Variants in DISC1 observed in about 807,000 individuals in gnomAD.
DISC1 encodes disrupted in schizophrenia 1 protein.
In DISC1, 57 loss-of-function variants were observed where a neutral mutation model predicts 84.5. The observed-to-expected ratio is 0.67, with a 90% CI of 0.55 to 0.84. The LOEUF is 0.84. Among genes scored for constraint, DISC1 ranks in the 40% least tolerant of loss-of-function variants. DISC1 has a pLI of 0.00. For missense variants in DISC1, 1,000 were observed against 1,057.8 expected (o/e 0.95, Z 0.76); for synonymous variants, 411 against 415.2 (o/e 0.99, Z 0.12).
At position 231,840,710 on chromosome 1, in the gene DISC1, G is replaced by T. The variant is rs1443350059; in HGVS notation, c.1981+22193G>T. On this transcript the variant is annotated intron_variant, in intron 9 of 12. Transcript: ENST00000439617. The stretch of plus-strand genomic sequence containing the variant: ...TGTTTTTATTTGTTTTTTTTTTTTT[G>T]TTGTTGTTGTTTTTTGAGACGGAGT... Among the ~76,000 whole-genome samples, 921 of 143,068 alleles carry T rather than the reference G, an allele frequency of 6.4e-3. 1 individual carries two copies. Among genetic ancestry groups the T allele is most frequent in the Non-Finnish European group, 9.1e-3 (601 of 65,710 alleles). 93.9% of individuals were successfully genotyped at this position (143,068 alleles called of 152,430 possible). A position where few individuals can be genotyped will look rare whatever the true frequency, so the allele number is the denominator to read the frequency against.
At chr1:231,834,830 T>C (rs2082511732) in intron 9 of DISC1, among the ~76,000 whole-genome samples, 1 of 152,166 alleles carries the variant, frequency 6.6e-6, no homozygotes, top group Non-Finnish European at 1.5e-5. Flanking sequence ...CGTCCCTGCA[T>C]GGTCAGACAC....
In DISC1 at chr1:231,713,983, G is replaced by T. The variant is rs558681311; in HGVS notation, c.1117+11959G>T. On this transcript the variant is annotated intron_variant, in intron 3 of 12. Coordinates refer to ENST00000439617, the MANE Select transcript of DISC1 (RefSeq NM_018662.3). ...AGTAAAATTATCTCTATTTGCGATT[G>T]ACATTATCCTATATGTAGAAAATCT... Among the ~76,000 whole-genome samples the T allele has an allele frequency of 3.8e-4, 58 of 151,534 alleles. No individual in the cohort carries two copies. The South Asian group carries it at 0.012, about 32-fold the overall frequency.
intron 9 of DISC1, among the ~76,000 whole-genome samples, chr1:231,956,873 T>C (rs1659599057): frequency 6.6e-6 from 1 of 152,194 alleles, no homozygotes; most frequent in African/African-American, 2.4e-5. Flanking sequence ...GGCCTCTCCA[T>C]GTGGCTTGGG....
chr1:231,878,511 G>A (rs758327248), intron 9 of DISC1, among the ~76,000 whole-genome samples: 10 of 152,270 alleles, frequency 6.6e-5, no homozygotes, highest in Non-Finnish European at 1.2e-4. Flanking sequence ...GCTGAGAGGG[G>A]TAGCCCTGGG....
Position 231,937,854 on chromosome 1 carries a change from CT to C in DISC1, c.1982-20962del, listed in dbSNP as rs71722884. ...AAAGCAGCTGTAGATCACAACTAAT[CT>C]TTTTTTTTTTTAATTGCAAATCCCA... On this transcript the variant is annotated intron_variant, in intron 9 of 12. Transcript: ENST00000439617. Among the ~76,000 whole-genome samples, 878 of 147,178 alleles carry C rather than the reference CT, an allele frequency of 6.0e-3. 7 individuals carry two copies. The highest frequency in any genetic ancestry group is 0.018 in the African/African-American group (708 of 40,420).
intron 1 of DISC1, among the ~76,000 whole-genome samples, chr1:231,656,994 T>C (rs2061154400): frequency 1.3e-5 from 2 of 152,256 alleles, no homozygotes; most frequent in East Asian, 1.9e-4. Context: ...TGCATAGTAT[T>C]CCATAGTGTA....
chr1:231,778,968 A>G (rs1217552523), intron 6 of DISC1, among the ~76,000 whole-genome samples: 1 of 152,106 alleles, frequency 6.6e-6, no homozygotes, highest in African/African-American at 2.4e-5. Flanking sequence ...AGACATAACA[A>G]CAGAGCAGCA....
intron 10 of DISC1, among the ~76,000 whole-genome samples, chr1:231,980,339 C>A (rs1663412611): frequency 6.6e-6 from 1 of 152,184 alleles, no homozygotes; most frequent in Admixed American, 6.5e-5. Context: ...GTCGTTCTAT[C>A]AGAAAAGGGT....
chr1:231,786,674 A>G (rs2077886272), intron 6 of DISC1, among the ~76,000 whole-genome samples: 1 of 152,214 alleles, frequency 6.6e-6, no homozygotes. Context: ...TAAGGGGTCA[A>G]ATGGAACTTC....
rs12133766 is a variant in DISC1 at position 231,818,399 on chromosome 1, G to A, written c.1863G>A (p.Leu621=). The A allele has an allele frequency of 0.055, 88,592 of 1,614,106 alleles. 2,695 individuals are homozygous for A. Among genetic ancestry groups the A allele is most frequent in the Middle Eastern group, 0.079 (481 of 6,062 alleles). The change falls in exon 9 of 13, where the codon CTG becomes CTA. Residue 621 remains leucine (L), a synonymous_variant. Coordinates refer to ENST00000439617, the MANE Select transcript of DISC1 (RefSeq NM_018662.3). The stretch of plus-strand genomic sequence containing the variant: ...CATTAACATCAGAGAGAGAAGGGCT[G>A]GAGGGACTCCTCAGCAAGCTGTTGG... The part of the protein sequence containing the change: ...IRSLTSEREG[L]EGLLSKLLVL...
At position 231,934,242 on chromosome 1, in the gene DISC1, T is replaced by C. The variant is rs150458176; in HGVS notation, c.1982-24586T>C. On this transcript the variant is annotated intron_variant, in intron 9 of 12. Coordinates refer to ENST00000439617, the MANE Select transcript of DISC1 (RefSeq NM_018662.3). ...GTCGCCATCTCTGTCTGCATCTCCT[T>C]CCTCTCCTTTTGACCCAGCGTCCAC... is the stretch of plus-strand genomic sequence containing the variant. Among the ~76,000 whole-genome samples, 14 of 152,302 alleles carry C rather than the reference T, an allele frequency of 9.2e-5. No individual in the cohort carries two copies. In the East Asian group the frequency reaches 2.7e-3, roughly 29 times the overall value.
chr1:231,776,968 C>T (rs2077010179), intron 6 of DISC1, among the ~76,000 whole-genome samples: 1 of 152,136 alleles, frequency 6.6e-6, no homozygotes, highest in Non-Finnish European at 1.5e-5. Context: ...TGGAGTCACG[C>T]ACAGACTGCA....
At chr1:231,697,159 CG>C (rs1343289317) in intron 2 of DISC1, among the ~76,000 whole-genome samples, 1 of 152,108 alleles carries the variant, frequency 6.6e-6, no homozygotes, top group Non-Finnish European at 1.5e-5. Context: ...CTGAGGCCTT[CG>C]GGACAGGGCA....
intron 9 of DISC1, among the ~76,000 whole-genome samples, chr1:231,923,906 C>G (rs972397794): frequency 2.0e-5 from 3 of 152,138 alleles, no homozygotes; most frequent in African/African-American, 7.2e-5. Flanking sequence ...TTGTTTCCAC[C>G]AGAGGAGGCG....
At chr1:231,880,367 A>G (rs190509728) in intron 9 of DISC1, among the ~76,000 whole-genome samples, 1 of 152,346 alleles carries the variant, frequency 6.6e-6, no homozygotes, top group Non-Finnish European at 1.5e-5. Context: ...ATAGCAATAA[A>G]AACCAGACTA....
chr1:231,920,391 A>G (rs2089921343), intron 9 of DISC1, among the ~76,000 whole-genome samples: 1 of 152,098 alleles, frequency 6.6e-6, no homozygotes, highest in Admixed American at 6.5e-5. Flanking sequence ...TGCTAGCTGA[A>G]ACTCTGTCCC....
At chr1:231,739,993 G>A (rs2073036202) in intron 3 of DISC1, among the ~76,000 whole-genome samples, 2 of 152,148 alleles carry the variant, frequency 1.3e-5, no homozygotes, top group African/African-American at 2.4e-5. Flanking sequence ...AGGTCATGAG[G>A]GTGGAGGCTT....
chr1:231,794,673 G>A lies in DISC1; in HGVS notation c.1635-569G>A, dbSNP rs533277512. Among the ~76,000 whole-genome samples the A allele has an allele frequency of 1.3e-5, 2 of 152,116 alleles. 1 individual carries two copies. The highest frequency in any genetic ancestry group is 4.1e-4 in the South Asian group (2 of 4,828). ...AACTTAAGTTCCAGTGGGAGAGAGA[G>A]AAATTACATGAATAAATAAATATGT... On this transcript the variant is annotated intron_variant, in intron 6 of 12. Transcript: ENST00000439617.
intron 1 of DISC1, among the ~76,000 whole-genome samples, chr1:231,634,942 C>G (rs756782381): frequency 1.3e-5 from 2 of 151,834 alleles, no homozygotes; most frequent in Non-Finnish European, 2.9e-5. Flanking sequence ...TGAAAAAACT[C>G]CCCCAAAACC....
Sources: allele counts gnomAD v4.1 joint callset (sites outside exome capture counted in the v4.1 genomes callset), GRCh38; gene constraint gnomAD v4.1.1; transcripts MANE v1.5; gene names NCBI Gene and HGNC (gene_info 2026-07-23, HGNC 2026-07-21).